GRIK4: variants seen among roughly 807,000 people sequenced by gnomAD.
The protein encoded by GRIK4 is glutamate ionotropic receptor kainate type subunit 4.
A neutral mutation model predicts 104.9 loss-of-function variants in GRIK4; 40 were observed. That is an observed-to-expected ratio of 0.38 (90% CI 0.30 to 0.50). The LOEUF (loss-of-function observed/expected upper bound fraction) is 0.50. GRIK4 is among the 20% of genes least tolerant of loss of function. GRIK4 has a pLI of 0.93. For synonymous variants in GRIK4, 485 were observed against 524.9 expected, an observed-to-expected ratio of 0.92 and a Z score of 1.04; for missense variants, 1,047 against 1,308.1, an observed-to-expected ratio of 0.80 and a Z score of 3.08.
At chr11:120,631,176 GT>G (rs1949328415) in intron 1 of GRIK4, among the ~76,000 whole-genome samples, 1 of 152,252 alleles carries the variant, frequency 6.6e-6, no homozygotes, top group South Asian at 2.1e-4. Context: ...CTGCTGTTTT[GT>G]TTGCCTTCAT....
chr11:120,572,818 C>T (rs923462823), intron 1 of GRIK4, among the ~76,000 whole-genome samples: 13 of 152,142 alleles, frequency 8.5e-5, no homozygotes, highest in African/African-American at 2.7e-4. Context: ...TTTTCATTTC[C>T]GCTGTTCCCT....
intron 1 of GRIK4, among the ~76,000 whole-genome samples, chr11:120,554,218 A>G (rs1948166548): frequency 6.6e-6 from 1 of 152,256 alleles, no homozygotes; most frequent in Non-Finnish European, 1.5e-5. Flanking sequence ...AATATCTGTT[A>G]AGTCTACAGA....
intron 1 of GRIK4, among the ~76,000 whole-genome samples, chr11:120,582,318 C>G (rs1214826266): frequency 6.7e-6 from 1 of 148,596 alleles, no homozygotes; most frequent in Non-Finnish European, 1.5e-5. Context: ...ATATATAAAA[C>G]TTGTATTTTA....
chr11:120,723,338 C>T (rs1006957672), intron 3 of GRIK4, among the ~76,000 whole-genome samples: 1 of 152,164 alleles, frequency 6.6e-6, no homozygotes, highest in African/African-American at 2.4e-5. Flanking sequence ...TTGCATTGAC[C>T]CCTCCCCAAG....
chr11:120,916,165 AAACT>A (rs1943100441), intron 13 of GRIK4, among the ~76,000 whole-genome samples: 1 of 152,194 alleles, frequency 6.6e-6, no homozygotes, highest in South Asian at 2.1e-4. Flanking sequence ...TCTTATCTGG[AAACT>A]GGACTTCTTA....
At chr11:120,918,784 GAGA>G (rs1360421550) in intron 13 of GRIK4, among the ~76,000 whole-genome samples, 1 of 152,206 alleles carries the variant, frequency 6.6e-6, no homozygotes, top group African/African-American at 2.4e-5. Context: ...TGGGAGCACA[GAGA>G]AGGAGGGAAG....
chr11:120,959,739 T>C (rs1273803211), intron 16 of GRIK4, among the ~76,000 whole-genome samples: 1 of 152,284 alleles, frequency 6.6e-6, no homozygotes, highest in East Asian at 1.9e-4. Flanking sequence ...AACAATCTTC[T>C]AATTTGAAAT....
intron 1 of GRIK4, among the ~76,000 whole-genome samples, chr11:120,522,828 G>A (rs576455614): frequency 6.6e-6 from 1 of 152,286 alleles, no homozygotes; most frequent in African/African-American, 2.4e-5. Flanking sequence ...GCCTTATGAG[G>A]GAGATAGATC....
At chr11:120,798,126 G>GGA (rs1952555298) in intron 3 of GRIK4, among the ~76,000 whole-genome samples, 1 of 150,780 alleles carries the variant, frequency 6.6e-6, no homozygotes, top group African/African-American at 2.4e-5. Context: ...CTCACGTGGC[G>GGA]GAGAGAAAAA....
chr11:120,809,684 C>T lies in GRIK4; in HGVS notation c.248-5694C>T, dbSNP rs943234272. On this transcript the variant is annotated intron_variant, in intron 4 of 20. Coordinates refer to ENST00000527524, the MANE Select transcript of GRIK4 (RefSeq NM_014619.5). Reference sequence around the variant, plus strand: ...CCAGTGAGGGAGATGGACACATTGACACACGTGTATGAGAAGCTCAGAATG... The same window carrying T: ...CCAGTGAGGGAGATGGACACATTGATACACGTGTATGAGAAGCTCAGAATG... 1.8e-4 allele frequency among the ~76,000 whole-genome samples: 27 copies of T among 152,218 alleles called. 1 individual carries two copies. Among genetic ancestry groups the T allele is most frequent in the Admixed American group, 1.6e-3 (25 of 15,286 alleles).
At chr11:120,910,014 A>G (rs1417231416) in intron 13 of GRIK4, among the ~76,000 whole-genome samples, 1 of 152,218 alleles carries the variant, frequency 6.6e-6, no homozygotes, top group Non-Finnish European at 1.5e-5. Context: ...GTCATCATCG[A>G]GGAAGGTTAG....
In GRIK4 at chr11:120,955,412, G is replaced by A. The variant is rs142668808; in HGVS notation, c.1701-1368G>A. ...GGGAACACTAAGTGCACATCAGGCC[G>A]AGTGCAGGACGGGAAAGAGCAGTGT... On this transcript the variant is annotated intron_variant, in intron 15 of 20. Coordinates refer to ENST00000527524, the MANE Select transcript of GRIK4 (RefSeq NM_014619.5). Among the ~76,000 whole-genome samples the A allele has an allele frequency of 9.8e-4, 149 of 152,374 alleles. 1 individual carries two copies. The Middle Eastern group carries it at 0.014, about 14-fold the overall frequency.
intron 1 of GRIK4, among the ~76,000 whole-genome samples, chr11:120,535,294 G>GGTTGCC (rs144998770): frequency 4.8e-5 from 7 of 145,704 alleles, no homozygotes; most frequent in South Asian, 2.2e-4. Flanking sequence ...GGGAAGGGGG[G>GGTTGCC]TGCAGATCTT....
At chr11:120,664,995 C>T (rs1949887238) in intron 3 of GRIK4, among the ~76,000 whole-genome samples, 1 of 152,142 alleles carries the variant, frequency 6.6e-6, no homozygotes, top group Non-Finnish European at 1.5e-5. Flanking sequence ...CGAGGACCCT[C>T]CAAGCACTTT....
At chr11:120,634,927 G>A (rs1022406101) in intron 1 of GRIK4, among the ~76,000 whole-genome samples, 6 of 152,166 alleles carry the variant, frequency 3.9e-5, no homozygotes, top group East Asian at 1.9e-4. Context: ...AGCGAGATGC[G>A]AACGTCCCCC....
intron 10 of GRIK4, 119 bp downstream of exon 10, chr11:120,874,337 C>T: frequency 3.9e-6 from 3 of 772,804 alleles, no homozygotes; most frequent in Non-Finnish European, 6.2e-6. Context: ...TTATTACAGC[C>T]CCAGATAAAT....
At chr11:120,957,462 T>C (rs1591331328) in intron 16 of GRIK4, among the ~76,000 whole-genome samples, 1 of 152,340 alleles carries the variant, frequency 6.6e-6, no homozygotes, top group East Asian at 1.9e-4. Context: ...AACGCAACTC[T>C]TGTCGTTCAG....
At chr11:120,870,630 A>C (rs1592012863) in intron 9 of GRIK4, 1 of 152,262 alleles carries the variant, frequency 6.6e-6, no homozygotes, top group African/African-American at 2.4e-5. Context: ...CAGTCTGGAC[A>C]AAGGGTACTG....
At chr11:120,601,544 T>TG (rs529781431) in intron 1 of GRIK4, among the ~76,000 whole-genome samples, 29 of 150,482 alleles carry the variant, frequency 1.9e-4, no homozygotes, top group East Asian at 5.9e-4. Flanking sequence ...AGGCGGGGTG[T>TG]GGGGGGGCGC....
Sources: allele counts gnomAD v4.1 joint callset (sites outside exome capture counted in the v4.1 genomes callset), GRCh38; gene constraint gnomAD v4.1.1; transcripts MANE v1.5; gene names NCBI Gene and HGNC (gene_info 2026-07-23, HGNC 2026-07-21).